LRP1B: variants seen among roughly 807,000 people sequenced by gnomAD.
LRP1B encodes low-density lipoprotein receptor-related protein 1B.
In LRP1B, 217 loss-of-function variants were observed where a neutral mutation model predicts 556.6. The observed-to-expected ratio is 0.39, with a 90% CI of 0.35 to 0.44. The LOEUF is 0.44. Ranked by LOEUF, LRP1B falls within the 20% of genes least tolerant of loss-of-function variation. LRP1B has a pLI of 1.00. For missense variants in LRP1B, 5,053 were observed against 5,620.8 expected (o/e 0.90, Z 3.23); for synonymous variants, 2,047 against 1,865.8 (o/e 1.10, Z -2.50).
intron 3 of LRP1B, among the ~76,000 whole-genome samples, chr2:141,328,564 T>G (rs1469951999): frequency 6.6e-6 from 1 of 152,224 alleles, no homozygotes; most frequent in Non-Finnish European, 1.5e-5. Context: ...CAGTTAGGAC[T>G]CAATATTTAA....
intron 2 of LRP1B, among the ~76,000 whole-genome samples, chr2:141,754,394 A>G (rs1357753748): frequency 6.6e-6 from 1 of 152,312 alleles, no homozygotes; most frequent in East Asian, 1.9e-4. Context: ...TATTTTAGTC[A>G]GCAGTGTATA....
intron 21 of LRP1B, among the ~76,000 whole-genome samples, chr2:140,910,194 T>A (rs868216628): frequency 1.3e-5 from 2 of 151,570 alleles, no homozygotes; most frequent in Non-Finnish European, 3.0e-5. Context: ...AAAATACTTT[T>A]TATAAATATC....
chr2:141,659,446 AAT>A (rs1169417570), intron 2 of LRP1B, among the ~76,000 whole-genome samples: 1 of 152,144 alleles, frequency 6.6e-6, no homozygotes, highest in Non-Finnish European at 1.5e-5. Context: ...TGGGAATAAA[AAT>A]AGAAGACAAC....
At chr2:140,344,521 C>A (rs146693692) in intron 77 of LRP1B, among the ~76,000 whole-genome samples, 4,634 of 148,550 alleles carry the variant, frequency 0.031, 143 homozygotes, top group South Asian at 0.07. Flanking sequence ...AACAAGACTG[C>A]CTGATTTATG....
chr2:141,126,755 T>C (rs1701223338), intron 7 of LRP1B, among the ~76,000 whole-genome samples: 3 of 152,164 alleles, frequency 2.0e-5, no homozygotes, highest in African/African-American at 7.2e-5. Context: ...ACATTAAATT[T>C]AAAGAATCCC....
At chr2:142,042,345 T>C (rs1027734033) in intron 1 of LRP1B, among the ~76,000 whole-genome samples, 2 of 151,420 alleles carry the variant, frequency 1.3e-5, no homozygotes, top group African/African-American at 4.8e-5. Context: ...CTAAAATGTT[T>C]GTGTTCGTTG....
At chr2:140,656,462 G>GT (rs1450820157) in intron 41 of LRP1B, among the ~76,000 whole-genome samples, 1 of 151,960 alleles carries the variant, frequency 6.6e-6, no homozygotes, top group African/African-American at 2.4e-5. Flanking sequence ...GTTTTGCTTT[G>GT]TTTTTTTCCC....
At chr2:141,266,765 T>A (rs1573731955) in intron 3 of LRP1B, among the ~76,000 whole-genome samples, 1 of 152,174 alleles carries the variant, frequency 6.6e-6, no homozygotes, top group African/African-American at 2.4e-5. Context: ...ATTACACAGA[T>A]AATTAAAATA....
intron 11 of LRP1B, among the ~76,000 whole-genome samples, chr2:141,025,786 A>C (rs1698201648): frequency 6.6e-6 from 1 of 152,152 alleles, no homozygotes; most frequent in Non-Finnish European, 1.5e-5. Context: ...GAGAATCCTA[A>C]CTAGTACACA....
chr2:140,624,083 T>C (rs1489894774), intron 41 of LRP1B, among the ~76,000 whole-genome samples: 1 of 151,448 alleles, frequency 6.6e-6, no homozygotes, highest in East Asian at 1.9e-4. Flanking sequence ...ACAATGTAAT[T>C]CTCTAGCAAC....
At chr2:140,763,073 T>C (rs1274476288) in intron 35 of LRP1B, among the ~76,000 whole-genome samples, 1 of 152,124 alleles carries the variant, frequency 6.6e-6, no homozygotes, top group Admixed American at 6.5e-5. Context: ...ATTTGAAAAA[T>C]ATAAAATAGT....
chr2:141,383,043 A>G (rs1559041029), intron 3 of LRP1B, among the ~76,000 whole-genome samples: 1 of 148,640 alleles, frequency 6.7e-6, no homozygotes, highest in Non-Finnish European at 1.5e-5. Context: ...AAACAATCTG[A>G]TTTTAAAATA....
chr2:140,278,527 C>T (rs1336156510), intron 84 of LRP1B, among the ~76,000 whole-genome samples: 1 of 151,860 alleles, frequency 6.6e-6, no homozygotes, highest in Admixed American at 6.6e-5. Flanking sequence ...TACAGAAAAT[C>T]CTTCACTCTT....
Position 140,248,172 on chromosome 2 carries a change from C to T in LRP1B, c.13248-1010G>A, listed in dbSNP as rs74913308. On this transcript the variant is annotated intron_variant, in intron 86 of 90. Coordinates refer to ENST00000389484, the MANE Select transcript of LRP1B (RefSeq NM_018557.3). Reference sequence around the variant, plus strand: ...GGCTGCTTCCTGAGCTAAGCTTCTACGATGCTATACGAATTATTTGTGATA... The same window carrying T: ...GGCTGCTTCCTGAGCTAAGCTTCTATGATGCTATACGAATTATTTGTGATA... Among the ~76,000 whole-genome samples, 1,170 of 151,704 alleles carry T rather than the reference C, an allele frequency of 7.7e-3. 65 individuals are homozygous for T. In the East Asian group the frequency reaches 0.15, roughly 19 times the overall value.
chr2:141,026,066 G>T (rs1353182220), intron 11 of LRP1B, among the ~76,000 whole-genome samples: 1 of 152,012 alleles, frequency 6.6e-6, no homozygotes, highest in East Asian at 1.9e-4. Flanking sequence ...ACCTAACTCT[G>T]CCTATCAAGA....
chr2:141,769,371 A>G (rs1694827523), intron 2 of LRP1B, among the ~76,000 whole-genome samples: 1 of 152,230 alleles, frequency 6.6e-6, no homozygotes, highest in African/African-American at 2.4e-5. Context: ...AGACTTTAAA[A>G]GCCCTTTATA....
intron 41 of LRP1B, among the ~76,000 whole-genome samples, chr2:140,613,298 T>C (rs2105229984): frequency 7.0e-6 from 1 of 142,700 alleles, no homozygotes; most frequent in East Asian, 2.0e-4. Flanking sequence ...ATTTTATATA[T>C]ATAAAATTAT....
chr2:141,429,637 C>T (rs1680492896), intron 3 of LRP1B, among the ~76,000 whole-genome samples: 1 of 152,142 alleles, frequency 6.6e-6, no homozygotes, highest in Non-Finnish European at 1.5e-5. Flanking sequence ...GCTCTCCTTC[C>T]TCCCACCTCC....
At chr2:141,893,264 G>A (rs1258358244) in intron 1 of LRP1B, among the ~76,000 whole-genome samples, 3 of 152,260 alleles carry the variant, frequency 2.0e-5, no homozygotes, top group African/African-American at 4.8e-5. Flanking sequence ...GGAAGGGCAC[G>A]ATCTCGGCTC....
Sources: allele counts gnomAD v4.1 joint callset (sites outside exome capture counted in the v4.1 genomes callset), GRCh38; gene constraint gnomAD v4.1.1; transcripts MANE v1.5; gene names NCBI Gene and HGNC (gene_info 2026-07-23, HGNC 2026-07-21).